PPME1: variants seen among roughly 807,000 people sequenced by gnomAD.
The protein encoded by PPME1 is testicular secretory protein Li 39.
A neutral mutation model predicts 56.9 loss-of-function variants in PPME1; 17 were observed. That is an observed-to-expected ratio of 0.30 (90% confidence interval 0.20 to 0.45). PPME1 has a LOEUF of 0.45. PPME1 is among the 20% of genes least tolerant of loss of function. The pLI, the probability that PPME1 is intolerant of heterozygous loss-of-function variation, is 1.00. For missense variants in PPME1, 357 were observed against 483.2 expected (o/e 0.74, Z 2.45); for synonymous variants, 122 against 156.2 (o/e 0.78, Z 1.63).
chr11:74,220,219 C>A (rs1858761063), intron 3 of PPME1, among the ~76,000 whole-genome samples: 1 of 152,102 alleles, frequency 6.6e-6, no homozygotes, highest in African/African-American at 2.4e-5. Context: ...AATATTTTCC[C>A]AGCCGACTTC....
chr11:74,204,310 T>C (rs1368524115), intron 2 of PPME1, 43 bp from the exon 3 acceptor site: 22 of 1,486,678 alleles, frequency 1.5e-5, no homozygotes, highest in Non-Finnish European at 1.9e-5. Flanking sequence ...TGAAAAACTT[T>C]AGTGAGCAAA....
At chr11:74,251,424 C>G in intron 12 of PPME1, 3 of 1,396,294 alleles carry the variant, frequency 2.1e-6, no homozygotes, top group Non-Finnish European at 2.8e-6. Flanking sequence ...AAGCCCTTCA[C>G]GTCATTCCTC....
chr11:74,239,950 TTC>T (rs1350939318), intron 9 of PPME1, among the ~76,000 whole-genome samples: 2 of 151,428 alleles, frequency 1.3e-5, no homozygotes, highest in African/African-American at 4.9e-5. Flanking sequence ...CTCTTTAATT[TTC>T]TTTCCATTTT....
Position 74,253,695 on chromosome 11 carries a change from C to T in PPME1, c.*185C>T. 4 of 677,884 alleles carry T rather than the reference C, an allele frequency of 5.9e-6. No homozygotes were observed. In the South Asian group the frequency reaches 7.2e-5, roughly 12 times the overall value. 42.0% of individuals were successfully genotyped at this position (677,884 alleles called of 1,614,324 possible). On this transcript the variant is annotated 3_prime_UTR_variant, in exon 14 of 14. Coordinates refer to ENST00000328257, the MANE Select transcript of PPME1 (RefSeq NM_016147.3). ...CTGCCAAAAGCATTGTTTTCCAGGG[C>T]CCTTGACCAACATCGGCTTCCCCAG...
chr11:74,197,648 C>T (rs961307966), intron 1 of PPME1, among the ~76,000 whole-genome samples: 1 of 152,144 alleles, frequency 6.6e-6, no homozygotes, highest in African/African-American at 2.4e-5. Flanking sequence ...GAAAATAAAC[C>T]TTTAGTTGGT....
rs749294771 is a variant in PPME1, at chr11:74,203,735, A to G, written c.109A>G (p.Arg37Gly). ...TCTCTTTTTTTTCCTCAGCCCTGGA[A>G]GAAAGCGGGACTTTTCCCCTGTTCC... ...SGAKMRMGPG[R>G]KRDFSPVPWS... is the part of the protein sequence containing the mutation. The change falls in exon 2 of 14, where the codon AGA becomes GGA. Residue 37 changes from arginine to glycine, a missense_variant. Physicochemically the swap from Arg to Gly is moderately radical, Grantham distance 125. Coordinates refer to ENST00000328257, the MANE Select transcript of PPME1 (RefSeq NM_016147.3). 26 of 1,610,162 alleles carry G rather than the reference A, an allele frequency of 1.6e-5. No homozygotes were observed. Among genetic ancestry groups the G allele is most frequent in the Non-Finnish European group, 2.2e-5 (26 of 1,178,192 alleles).
At chr11:74,206,923 A>C (rs1296486063) in intron 3 of PPME1, among the ~76,000 whole-genome samples, 1 of 152,216 alleles carries the variant, frequency 6.6e-6, no homozygotes, top group East Asian at 1.9e-4. Flanking sequence ...GCCAGGTACT[A>C]TGCTAAGTGC....
Position 74,210,253 on chromosome 11 carries a change from A to G in PPME1, c.288+5808A>G, listed in dbSNP as rs59361425. 6.3e-4 allele frequency among the ~76,000 whole-genome samples: 96 copies of G among 152,320 alleles called. 1 individual carries two copies. The highest frequency in any genetic ancestry group is 2.3e-3 in the African/African-American group (96 of 41,564). On this transcript the variant is annotated intron_variant, in intron 3 of 13. Transcript: ENST00000328257. Reference sequence around the variant, plus strand: ...CCTCTTACCTCACTTGATGCCCCAAAAAGGACTTGATAAACTATAATGTCC... The same window carrying G: ...CCTCTTACCTCACTTGATGCCCCAAGAAGGACTTGATAAACTATAATGTCC...
At chr11:74,187,795 G>T (rs1448563042) in intron 1 of PPME1, among the ~76,000 whole-genome samples, 1 of 152,152 alleles carries the variant, frequency 6.6e-6, no homozygotes, top group African/African-American at 2.4e-5. Flanking sequence ...TGAATCCCTG[G>T]AACCTGTGAA....
intron 3 of PPME1, among the ~76,000 whole-genome samples, chr11:74,214,211 G>A (rs1858557976): frequency 1.3e-5 from 2 of 152,150 alleles, no homozygotes; most frequent in Non-Finnish European, 2.9e-5. Flanking sequence ...GAATGCATCA[G>A]AGTCTCTTAA....
intron 13 of PPME1, chr11:74,252,442 A>G: frequency 2.2e-6 from 1 of 455,332 alleles, no homozygotes; most frequent in Non-Finnish European, 4.4e-6. Flanking sequence ...TCCCATGGCC[A>G]GCTACTAAGC....
intron 1 of PPME1, among the ~76,000 whole-genome samples, chr11:74,181,168 C>T (rs997799455): frequency 6.6e-6 from 1 of 151,790 alleles, no homozygotes; most frequent in Non-Finnish European, 1.5e-5. Context: ...CCTCAGCCTC[C>T]CGAGTAGCTG....
At chr11:74,224,491 G>A (rs1732917035) in intron 4 of PPME1, among the ~76,000 whole-genome samples, 1 of 127,328 alleles carries the variant, frequency 7.9e-6, no homozygotes, top group South Asian at 2.6e-4. Context: ...AAAGTCATTG[G>A]TAGCTTGATG....
intron 13 of PPME1, chr11:74,252,327 A>C: frequency 2.0e-5 from 8 of 396,984 alleles, no homozygotes; most frequent in South Asian, 1.3e-4. Context: ...GCCTCAAGTG[A>C]TCCACCCGCA....
intron 7 of PPME1, among the ~76,000 whole-genome samples, chr11:74,233,791 C>T (rs549483340): frequency 1.3e-5 from 2 of 152,184 alleles, no homozygotes; most frequent in Non-Finnish European, 2.9e-5. Context: ...CACTGCACTT[C>T]AGCCTGAACA....
Position 74,239,190 on chromosome 11 carries a change from G to A in PPME1, c.768G>A (p.Glu256=). The change falls in exon 9 of 14, where the codon GAG becomes GAA. Residue 256 remains glutamate (E), a synonymous_variant. Coordinates refer to ENST00000328257, the MANE Select transcript of PPME1 (RefSeq NM_016147.3). ...AATCTATAGTGGAAGGAATCATAGA[G>A]GAAGAAGAAGAAGATGAGGAAGGAA... The part of the protein sequence containing the change: ...GSKSIVEGII[E]EEEEDEEGSE... 6.2e-7 allele frequency: 1 copy of A among 1,613,388 alleles called. No homozygotes were observed. Among genetic ancestry groups the A allele is most frequent in the Non-Finnish European group, 8.5e-7 (1 of 1,179,554 alleles).
intron 1 of PPME1, among the ~76,000 whole-genome samples, chr11:74,200,477 G>A (rs1379768679): frequency 2.0e-5 from 3 of 151,960 alleles, no homozygotes; most frequent in African/African-American, 7.3e-5. Flanking sequence ...CGCCTTCTGG[G>A]TTCAAGCGAT....
chr11:74,208,297 T>C (rs1240150221), intron 3 of PPME1, among the ~76,000 whole-genome samples: 3 of 145,254 alleles, frequency 2.1e-5, no homozygotes, highest in Non-Finnish European at 4.5e-5. Flanking sequence ...GGCGACAGAG[T>C]GAGACTCTGT....
intron 1 of PPME1, among the ~76,000 whole-genome samples, chr11:74,178,356 C>T (rs1857450211): frequency 6.6e-6 from 1 of 152,196 alleles, no homozygotes; most frequent in African/African-American, 2.4e-5. Flanking sequence ...ACATACCCAT[C>T]CTAAAACCAA....
Sources: gnomAD v4.1 joint callset for allele counts (sites outside exome capture counted in the v4.1 genomes callset) on GRCh38, gnomAD v4.1.1 for gene constraint, MANE v1.5 for transcripts, NCBI Gene and HGNC (gene_info 2026-07-23, HGNC 2026-07-21) for gene names.